Variants in NLGN1 observed in about 807,000 individuals in gnomAD.
The protein encoded by NLGN1 is neuroligin 1, also known as neuroligin-1.
In NLGN1, 12 loss-of-function variants were observed where a neutral mutation model predicts 65.5. The observed-to-expected ratio is 0.18, with a 90% CI of 0.12 to 0.30. The LOEUF (loss-of-function observed/expected upper bound fraction) is 0.30, where lower values mean the gene tolerates loss of function less well. NLGN1 is among the 10% of genes least tolerant of loss of function. The probability of loss-of-function intolerance (pLI) is 1.00; values close to 1 mark genes in which losing one functional copy is unlikely to be tolerated. For missense variants in NLGN1, 750 were observed against 1,007.1 expected (o/e 0.74, Z 3.46); for synonymous variants, 350 against 359.5 (o/e 0.97, Z 0.30).
chr3:173,624,171 G>A (rs188084789), intron 3 of NLGN1, among the ~76,000 whole-genome samples: 16 of 152,206 alleles, frequency 1.1e-4, no homozygotes. Flanking sequence ...TTGGGCCTCA[G>A]TTTTCACTTG....
At chr3:173,989,737 CCTT>C (rs1325872876) in intron 4 of NLGN1, among the ~76,000 whole-genome samples, 1 of 152,142 alleles carries the variant, frequency 6.6e-6, no homozygotes, top group Non-Finnish European at 1.5e-5. Flanking sequence ...TAATCAAAGA[CCTT>C]CTCCTCCCAC....
chr3:173,784,029 T>C lies in NLGN1; in HGVS notation c.494-23651T>C, dbSNP rs553743085. Among the ~76,000 whole-genome samples the C allele has an allele frequency of 2.6e-5, 4 of 152,308 alleles. No individual in the cohort carries two copies. In the South Asian group the frequency reaches 8.3e-4, roughly 32 times the overall value. On this transcript the variant is annotated intron_variant, in intron 3 of 6. Coordinates refer to ENST00000457714, the Ensembl canonical transcript of NLGN1. ...AGGTTTCCCTAGAGGAATTTAACTT[T>C]TCAATAAAATTTTAGCACTAATAAA... is the stretch of plus-strand genomic sequence containing the variant.
At chr3:173,747,701 C>T (rs914050790) in intron 3 of NLGN1, among the ~76,000 whole-genome samples, 4 of 149,680 alleles carry the variant, frequency 2.7e-5, no homozygotes, top group Admixed American at 1.3e-4. Context: ...TGTTCCAAAG[C>T]AATTGAAAGT....
intron 4 of NLGN1, among the ~76,000 whole-genome samples, chr3:173,948,820 T>C (rs1560704157): frequency 1.3e-5 from 2 of 152,186 alleles, no homozygotes; most frequent in African/African-American, 4.8e-5. Flanking sequence ...GATTCCATGA[T>C]TGGACATTAT....
At chr3:174,031,544 A>G (rs1730027057) in intron 4 of NLGN1, among the ~76,000 whole-genome samples, 2 of 152,212 alleles carry the variant, frequency 1.3e-5, no homozygotes, top group African/African-American at 2.4e-5. Flanking sequence ...TGATATCTTC[A>G]GGGATGTAAA....
intron 3 of NLGN1, among the ~76,000 whole-genome samples, chr3:173,610,340 T>C (rs1326849266): frequency 1.3e-5 from 2 of 151,966 alleles, no homozygotes; most frequent in Non-Finnish European, 2.9e-5. Context: ...AGTTTAGTTT[T>C]GGACATGTTT....
At chr3:173,557,802 A>G (rs1207021771) in intron 2 of NLGN1, among the ~76,000 whole-genome samples, 1 of 152,082 alleles carries the variant, frequency 6.6e-6, no homozygotes, top group Non-Finnish European at 1.5e-5. Flanking sequence ...TGTCTATTAA[A>G]CAAATTTTTA....
At chr3:173,737,235 A>G (rs1300700749) in intron 3 of NLGN1, among the ~76,000 whole-genome samples, 1 of 44 alleles carries the variant, frequency 0.023, no homozygotes, top group Non-Finnish European at 0.038. Context: ...CCTCACTAAG[A>G]AAAAAAAAAA....
chr3:174,097,966 C>A (rs1192996334), intron 4 of NLGN1, among the ~76,000 whole-genome samples: 7 of 152,146 alleles, frequency 4.6e-5, no homozygotes. Context: ...GTCTGGATTA[C>A]CTGTTTTATC....
At chr3:173,700,208 G>A (rs147040793) in intron 3 of NLGN1, among the ~76,000 whole-genome samples, 81 of 152,182 alleles carry the variant, frequency 5.3e-4, no homozygotes, top group Middle Eastern at 3.4e-3. Flanking sequence ...TTGTAAATGC[G>A]TTCATATTAA....
intron 3 of NLGN1, among the ~76,000 whole-genome samples, chr3:173,669,336 G>A (rs1387265499): frequency 6.6e-6 from 1 of 152,156 alleles, no homozygotes; most frequent in African/African-American, 2.4e-5. Flanking sequence ...AGAAAATTTT[G>A]TCCCTTCAGG....
intron 4 of NLGN1, among the ~76,000 whole-genome samples, chr3:174,000,526 A>G (rs1337468055): frequency 6.6e-6 from 1 of 152,168 alleles, no homozygotes; most frequent in Non-Finnish European, 1.5e-5. Context: ...AGCAGTCAGT[A>G]GGTTTTAAAA....
intron 4 of NLGN1, among the ~76,000 whole-genome samples, chr3:173,934,470 A>C (rs943755824): frequency 6.6e-6 from 1 of 151,874 alleles, no homozygotes; most frequent in East Asian, 1.9e-4. Context: ...GACTGCATGC[A>C]AACCACAGGT....
intron 4 of NLGN1, among the ~76,000 whole-genome samples, chr3:174,149,829 G>T (rs1724002285): frequency 6.6e-6 from 1 of 152,010 alleles, no homozygotes; most frequent in Non-Finnish European, 1.5e-5. Flanking sequence ...GTATTAAATT[G>T]GTTTGAGAGC....
chr3:174,105,664 C>T (rs914851791), intron 4 of NLGN1, among the ~76,000 whole-genome samples: 1 of 133,168 alleles, frequency 7.5e-6, no homozygotes, highest in Admixed American at 7.3e-5. Context: ...AGATTTCCTT[C>T]CTTGGAGACA....
chr3:173,945,527 T>C (rs1257531244), intron 4 of NLGN1, among the ~76,000 whole-genome samples: 1 of 152,128 alleles, frequency 6.6e-6, no homozygotes, highest in Non-Finnish European at 1.5e-5. Context: ...GTTTTAGCTA[T>C]GATTTTTGAC....
intron 4 of NLGN1, among the ~76,000 whole-genome samples, chr3:173,824,776 A>C (rs781478170): frequency 8.5e-5 from 13 of 152,066 alleles, no homozygotes; most frequent in Non-Finnish European, 1.9e-4. Flanking sequence ...TTACTAATCT[A>C]AGTTAAAATG....
At chr3:174,200,262 T>A (rs1734187210) in intron 4 of NLGN1, among the ~76,000 whole-genome samples, 1 of 152,206 alleles carries the variant, frequency 6.6e-6, no homozygotes, top group Non-Finnish European at 1.5e-5. Context: ...TCCTAGCACA[T>A]AATAGGCAAT....
intron 3 of NLGN1, among the ~76,000 whole-genome samples, chr3:173,645,434 T>C (rs1758095243): frequency 6.6e-6 from 1 of 152,156 alleles, no homozygotes; most frequent in Non-Finnish European, 1.5e-5. Flanking sequence ...CCACTTTATC[T>C]CTTTTAGCAC....
Sources: gnomAD v4.1 joint callset for allele counts (sites outside exome capture counted in the v4.1 genomes callset) on GRCh38, gnomAD v4.1.1 for gene constraint, MANE v1.5 for transcripts, NCBI Gene and HGNC (gene_info 2026-07-23, HGNC 2026-07-21) for gene names.